Variants in ATP11B observed in about 807,000 individuals in gnomAD.
The protein encoded by ATP11B is ATPase phospholipid transporting 11B (putative).
In ATP11B, 81 loss-of-function variants were observed where a neutral mutation model predicts 157.8. That is an observed-to-expected ratio of 0.51 (90% confidence interval 0.43 to 0.62). ATP11B has a LOEUF of 0.62. Ranked by LOEUF, ATP11B falls within the 20% of genes least tolerant of loss-of-function variation. The pLI is 0.00. For missense variants in ATP11B, 1,165 were observed against 1,402.2 expected, an observed-to-expected ratio of 0.83 and a Z score of 2.70; for synonymous variants, 451 against 469.4, an observed-to-expected ratio of 0.96 and a Z score of 0.51.
Position 182,865,637 on chromosome 3 carries a change from A to G in ATP11B, c.1382A>G (p.Asn461Ser). Residue 461 changes from asparagine to serine, a missense_variant, in exon 13 of 30, where the codon AAC becomes AGC. Around this residue, in one of 4 missense-constraint regions of ATP11B, gnomAD observed 737 missense variants for 930.5 expected, o/e 0.79. Transcript: ENST00000323116. ...CTTAGTAGTTTATCCCATCTTAACA[A>G]CTTATCCCATCTTACAACCAGTTCC... ...SYLSSLSHLNNLSHLTTSSSF... is the reference protein window; with the variant it reads ...SYLSSLSHLNSLSHLTTSSSF... 1 of 1,613,634 alleles carries G rather than the reference A, an allele frequency of 6.2e-7. No individual in the cohort carries two copies. Among genetic ancestry groups the G allele is most frequent in the African/African-American group, 1.3e-5 (1 of 75,034 alleles).
intron 14 of ATP11B, among the ~76,000 whole-genome samples, 160 bp from the exon 15 acceptor site, chr3:182,867,216 A>AAAGTGTAATATT (rs1470502042): frequency 0.013 from 1,998 of 152,266 alleles, 43 homozygotes; most frequent in African/African-American, 0.047. Flanking sequence ...GGCATGAGCC[A>AAAGTGTAATATT]CCACTCCTGG....
intron 21 of ATP11B, among the ~76,000 whole-genome samples, chr3:182,882,941 C>T (rs1722529449): frequency 6.6e-6 from 1 of 152,122 alleles, no homozygotes; most frequent in African/African-American, 2.4e-5. Flanking sequence ...AATGTTTAGT[C>T]TCTCTAACAT....
chr3:182,862,316 T>G (rs1309480319), intron 12 of ATP11B, among the ~76,000 whole-genome samples: 1 of 151,854 alleles, frequency 6.6e-6, no homozygotes, highest in Non-Finnish European at 1.5e-5. Context: ...GGCACTAATA[T>G]GCTTATCAGA....
intron 21 of ATP11B, among the ~76,000 whole-genome samples, chr3:182,881,678 G>A (rs1177046158): frequency 6.6e-6 from 1 of 152,028 alleles, no homozygotes; most frequent in Admixed American, 6.6e-5. Context: ...CATAATAAAA[G>A]TAGCTTTATT....
Position 182,836,325 on chromosome 3 carries a change from C to T in ATP11B, c.424-17C>T. 1 of 1,612,502 alleles carries T rather than the reference C, an allele frequency of 6.2e-7. No homozygotes were observed. Among genetic ancestry groups the T allele is most frequent in the Non-Finnish European group, 8.5e-7 (1 of 1,179,386 alleles). On this transcript the variant is annotated splice_polypyrimidine_tract_variant and intron_variant, in intron 5 of 29. Coordinates refer to ENST00000323116, the MANE Select transcript of ATP11B (RefSeq NM_014616.3). The stretch of plus-strand genomic sequence containing the variant: ...TTTAAAATTTATAAATTCACTCTTC[C>T]CCAAAATTCTTTATAGGTGGGTGAT...
intron 12 of ATP11B, among the ~76,000 whole-genome samples, chr3:182,860,803 A>G (rs1183030796): frequency 6.6e-6 from 1 of 152,110 alleles, no homozygotes; most frequent in Non-Finnish European, 1.5e-5. Context: ...TTCTCTGGAT[A>G]GTTTTTTAAA....
At chr3:182,824,598 C>T (rs918485654) in intron 2 of ATP11B, among the ~76,000 whole-genome samples, 1 of 152,106 alleles carries the variant, frequency 6.6e-6, no homozygotes, top group South Asian at 2.1e-4. Context: ...GAGTGTCCTC[C>T]TAGAAAGCTT....
intron 1 of ATP11B, among the ~76,000 whole-genome samples, chr3:182,807,243 T>A (rs780300255): frequency 6.6e-6 from 1 of 152,098 alleles, no homozygotes. Context: ...CGTTATCTCT[T>A]AAATCTGCCT....
Position 182,897,337 on chromosome 3 carries a change from A to G in ATP11B, c.3083A>G (p.Asn1028Ser), listed in dbSNP as rs1164634909. 2 of 1,586,724 alleles carry G rather than the reference A, an allele frequency of 1.3e-6. No individual in the cohort carries two copies. Among genetic ancestry groups the G allele is most frequent in the African/African-American group, 1.4e-5 (1 of 73,116 alleles). ...GAAACTCATTTTTGGACTTGGATCA[A>G]CCATCTCGTTACCTGGGGATCTATT... is the stretch of plus-strand genomic sequence containing the variant. The part of the protein sequence containing the change: ...ALETHFWTWI[N>S]HLVTWGSIIF... The change falls in exon 27 of 30, where the codon AAC becomes AGC. Residue 1028 changes from asparagine to serine, a missense_variant. Transcript: ENST00000323116.
chr3:182,794,978 G>C (rs1715508103), intron 1 of ATP11B, among the ~76,000 whole-genome samples: 1 of 151,862 alleles, frequency 6.6e-6, no homozygotes, highest in Non-Finnish European at 1.5e-5. Context: ...AGACCAAGAA[G>C]TGTGGTGTTT....
rs369604979 is a variant in ATP11B at position 182,920,082 on chromosome 3, C to T, written c.*1978C>T. 9 of 152,078 alleles carry T rather than the reference C, an allele frequency of 5.9e-5. No individual in the cohort carries two copies. Among genetic ancestry groups the T allele is most frequent in the Non-Finnish European group, 7.4e-5 (5 of 68,002 alleles). The allele number at this position is 152,078 out of a possible 1,614,324, so 9.4% of individuals were successfully genotyped here. ...TAGGCCTGCATTACATTTACATGAC[C>T]GTGTTTATTTGCCATCAAATAAACT... On this transcript the variant is annotated 3_prime_UTR_variant, in exon 30 of 30. Transcript: ENST00000323116.
chr3:182,848,817 C>T (rs1182127057), intron 10 of ATP11B, among the ~76,000 whole-genome samples: 1 of 151,878 alleles, frequency 6.6e-6, no homozygotes, highest in African/African-American at 2.4e-5. Flanking sequence ...ACGCAGATAA[C>T]AGTTCTAAAA....
At chr3:182,855,383 G>A (rs546584424) in intron 10 of ATP11B, among the ~76,000 whole-genome samples, 1 of 152,194 alleles carries the variant, frequency 6.6e-6, no homozygotes, top group Non-Finnish European at 1.5e-5. Context: ...CCCACTGTAT[G>A]TAAAAATTAA....
rs77324340 is a variant in ATP11B at position 182,853,577 on chromosome 3, A to G, written c.852-4301A>G. ...AAGGTTATATTTACAGTAGTATCAA[A>G]AAGCGTAATATATTTAGGAATAAGT... On this transcript the variant is annotated intron_variant, in intron 10 of 29. Transcript: ENST00000323116. Among the ~76,000 whole-genome samples, 1,403 of 152,334 alleles carry G rather than the reference A, an allele frequency of 9.2e-3. 22 individuals are homozygous for G. The highest frequency in any genetic ancestry group is 0.032 in the African/African-American group (1,340 of 41,572).
intron 12 of ATP11B, among the ~76,000 whole-genome samples, chr3:182,864,187 A>G (rs1293373416): frequency 1.3e-5 from 2 of 152,192 alleles, no homozygotes; most frequent in East Asian, 1.9e-4. Flanking sequence ...TCTGTATACA[A>G]GGTCATATCA....
At chr3:182,864,823 C>CA (rs1225556674) in intron 12 of ATP11B, among the ~76,000 whole-genome samples, 2 of 152,048 alleles carry the variant, frequency 1.3e-5, no homozygotes, top group African/African-American at 4.8e-5. Flanking sequence ...TTTTCATGGA[C>CA]ATACTTTCTT....
rs1411263889 is a variant in ATP11B, at chr3:182,896,767, T to C, written c.3048+2T>C. On this transcript the variant is annotated splice_donor_variant, in intron 26 of 29. Transcript: ENST00000323116. LOFTEE classifies it high-confidence loss of function. ...ATGGTTATTACAGTCACAGTAAAGGTATGGTACTGAAATTAGAAATGTGGA... is the reference window on the plus strand; with the variant it reads ...ATGGTTATTACAGTCACAGTAAAGGCATGGTACTGAAATTAGAAATGTGGA... The C allele has an allele frequency of 6.2e-7, 1 of 1,611,158 alleles. No individual in the cohort carries two copies.
Position 182,879,693 on chromosome 3 carries a change from T to C in ATP11B, c.2406+44T>C, listed in dbSNP as rs200410129. 44 of 1,518,266 alleles carry C rather than the reference T, an allele frequency of 2.9e-5. No individual in the cohort carries two copies. In the Admixed American group the frequency reaches 9.0e-4, roughly 31 times the overall value. 94.0% of individuals were successfully genotyped at this position (1,518,266 alleles called of 1,614,324 possible). ...AAAAAGTCCCATAAAGCTATTTAGA[T>C]ATAAACATATTATTTAAAGTTAATG... On this transcript the variant is annotated intron_variant, in intron 20 of 29. Coordinates refer to ENST00000323116, the MANE Select transcript of ATP11B (RefSeq NM_014616.3).
chr3:182,867,959 C>T (rs941890370), intron 15 of ATP11B, among the ~76,000 whole-genome samples: 15 of 152,166 alleles, frequency 9.9e-5, no homozygotes, highest in African/African-American at 3.6e-4. Context: ...AATATTTACT[C>T]TCTGGCCCTT....
Sources: allele counts gnomAD v4.1 joint callset (sites outside exome capture counted in the v4.1 genomes callset), GRCh38; gene constraint gnomAD v4.1.1; regional missense constraint gnomAD v4.1.1; transcripts MANE v1.5; gene names NCBI Gene and HGNC (gene_info 2026-07-23, HGNC 2026-07-21).